The following MERTK variants were observed in gnomAD, a reference collection of about 807,000 sequenced individuals.
The protein encoded by MERTK is MER proto-oncogene, tyrosine kinase.
MERTK carries 69 observed loss-of-function variants against 99.3 expected under a neutral mutation model. That is an observed-to-expected ratio of 0.70 (90% CI 0.57 to 0.85). The LOEUF (loss-of-function observed/expected upper bound fraction) is 0.85, where lower values mean the gene tolerates loss of function less well. MERTK is among the 40% of genes least tolerant of loss of function. The probability of loss-of-function intolerance (pLI) is 0.00; values close to 1 mark genes in which losing one functional copy is unlikely to be tolerated. For synonymous variants in MERTK, 426 were observed against 467.6 expected, an observed-to-expected ratio of 0.91 and a Z score of 1.15; for missense variants, 1,125 against 1,249.4, an observed-to-expected ratio of 0.90 and a Z score of 1.50.
At chr2:111,985,311 G>A (rs1676453690) in intron 8 of MERTK, among the ~76,000 whole-genome samples, 1 of 152,152 alleles carries the variant, frequency 6.6e-6, no homozygotes, top group South Asian at 2.1e-4. Context: ...GTGTGATTAG[G>A]TGGGCAGCTT....
intron 8 of MERTK, 85 bp from the exon 9 acceptor site, chr2:111,994,166 G>T: frequency 6.6e-7 from 1 of 1,516,162 alleles, no homozygotes; most frequent in South Asian, 1.1e-5. Flanking sequence ...GGGCGGGATG[G>T]CTTCCCTCAG....
At chr2:112,022,211 C>A (rs757911717) in intron 17 of MERTK, 47 bp from the exon 18 acceptor site, 1 of 1,613,890 alleles carries the variant, frequency 6.2e-7, no homozygotes, top group South Asian at 1.1e-5. Context: ...TCCATTCAGG[C>A]TTTGTGGAAA....
intron 4 of MERTK, among the ~76,000 whole-genome samples, chr2:111,955,870 T>C (rs1685138480): frequency 6.6e-6 from 1 of 151,414 alleles, no homozygotes; most frequent in African/African-American, 2.4e-5. Flanking sequence ...GAGTGCTTTA[T>C]AAGTTAGTGG....
At chr2:111,929,099 T>C in intron 1 of MERTK, 21 bp from the exon 2 acceptor site, 1 of 1,614,122 alleles carries the variant, frequency 6.2e-7, no homozygotes. Context: ...AAGGCTAAAA[T>C]TTGGATGTTC....
chr2:111,993,843 G>A (rs1558800277), intron 8 of MERTK, among the ~76,000 whole-genome samples: 1 of 152,200 alleles, frequency 6.6e-6, no homozygotes, highest in Non-Finnish European at 1.5e-5. Flanking sequence ...CACTCGTGCT[G>A]GTTCAAGGGC....
At chr2:112,028,160 T>C (rs934583755) in intron 18 of MERTK, 191 bp from the exon 19 acceptor site, 9 of 647,880 alleles carry the variant, frequency 1.4e-5, no homozygotes, top group Admixed American at 1.1e-4. Context: ...ATCACTTTTT[T>C]GTCAAATACC....
chr2:111,980,575 C>A (rs1018619134), intron 7 of MERTK, among the ~76,000 whole-genome samples: 4 of 151,980 alleles, frequency 2.6e-5, no homozygotes, highest in Non-Finnish European at 5.9e-5. Context: ...CCCGCCACCA[C>A]GCCCGGCTAA....
intron 6 of MERTK, among the ~76,000 whole-genome samples, chr2:111,970,913 T>C (rs746345617): frequency 1.3e-5 from 2 of 151,978 alleles, no homozygotes; most frequent in African/African-American, 2.4e-5. Context: ...TTGTGAAAGA[T>C]TGATGTTAAA....
intron 6 of MERTK, 42 bp downstream of exon 6, chr2:111,968,294 C>T: frequency 6.7e-7 from 1 of 1,503,364 alleles, no homozygotes; most frequent in East Asian, 2.3e-5. Context: ...GTTTGGTGCT[C>T]TCTGTGGGTT....
intron 8 of MERTK, among the ~76,000 whole-genome samples, chr2:111,991,040 C>G (rs1223221387): frequency 6.6e-6 from 1 of 152,162 alleles, no homozygotes; most frequent in African/African-American, 2.4e-5. Context: ...TTTGGAGGAG[C>G]TGTCTACCGT....
chr2:111,936,036 T>G (rs1684759810), intron 2 of MERTK, among the ~76,000 whole-genome samples: 1 of 151,972 alleles, frequency 6.6e-6, no homozygotes, highest in South Asian at 2.1e-4. Flanking sequence ...CCTGACTTAG[T>G]CTCCTGAGTA....
At chr2:111,983,814 G>A (rs140368666) in intron 8 of MERTK, among the ~76,000 whole-genome samples, 2 of 152,330 alleles carry the variant, frequency 1.3e-5, no homozygotes, top group African/African-American at 4.8e-5. Context: ...AGCATGGCTC[G>A]GGGTTGGGGA....
chr2:111,997,393 C>T lies in MERTK; in HGVS notation c.1521C>T (p.Gly507=), dbSNP rs1676770542. The change falls in exon 10 of 19, where the codon GGC becomes GGT. Residue 507 remains glycine, a synonymous_variant. Transcript: ENST00000295408. ...CAGATCCTGTGCTCATCATCTTTGG[C>T]TGCTTTTGTGGATTTATTTTGATTG... The part of the protein sequence containing the change: ...GNADPVLIIF[G]CFCGFILIGL... The T allele has an allele frequency of 1.2e-6, 2 of 1,614,178 alleles. No homozygotes were observed. Among genetic ancestry groups the T allele is most frequent in the Admixed American group, 1.7e-5 (1 of 60,014 alleles).
intron 15 of MERTK, among the ~76,000 whole-genome samples, chr2:112,016,137 T>C (rs866780386): frequency 6.6e-6 from 1 of 152,242 alleles, no homozygotes; most frequent in South Asian, 2.1e-4. Flanking sequence ...GTTTTAACTA[T>C]TCTGGTTTCA....
At chr2:111,929,062 C>A (rs562976911) in intron 1 of MERTK, 58 bp from the exon 2 acceptor site, 2 of 1,600,096 alleles carry the variant, frequency 1.2e-6, no homozygotes, top group Admixed American at 3.3e-5. Flanking sequence ...AAGTTGGGAA[C>A]CTACTTGGGA....
intron 15 of MERTK, among the ~76,000 whole-genome samples, chr2:112,014,634 CCTT>C (rs1165055594): frequency 4.0e-5 from 6 of 151,190 alleles, no homozygotes; most frequent in African/African-American, 1.5e-4. Flanking sequence ...ACATTTATAA[CCTT>C]TTTTTTTTTT....
chr2:111,940,105 T>C (rs552720953), intron 2 of MERTK, among the ~76,000 whole-genome samples: 123 of 111,658 alleles, frequency 1.1e-3, no homozygotes, highest in African/African-American at 3.4e-3. Flanking sequence ...TCTTGGCTTC[T>C]ACTCTTTTTT....
Position 112,022,639 on chromosome 2 carries a change from C to T in MERTK, c.2486+245C>T. 12 of 734,458 alleles carry T rather than the reference C, an allele frequency of 1.6e-5. 1 individual carries two copies. In the South Asian group the frequency reaches 1.6e-4, roughly 10 times the overall value. The allele number at this position is 734,458 out of a possible 1,614,324, so 45.5% of individuals were successfully genotyped here. A position where few individuals can be genotyped will look rare whatever the true frequency, so the allele number is the denominator to read the frequency against. ...TCCAAAGGGCCTCAGTCTCGAACGA[C>T]AGGCACGGTCAAGACAAGGCAATGG... On this transcript the variant is annotated intron_variant, in intron 18 of 18. Transcript: ENST00000295408.
intron 15 of MERTK, among the ~76,000 whole-genome samples, chr2:112,018,265 G>C (rs1677259030): frequency 6.6e-6 from 1 of 152,134 alleles, no homozygotes; most frequent in Admixed American, 6.5e-5. Flanking sequence ...AATAACAGAA[G>C]TGTTCTAGGA....
Sources: allele counts gnomAD v4.1 joint callset (sites outside exome capture counted in the v4.1 genomes callset), GRCh38; gene constraint gnomAD v4.1.1; transcripts MANE v1.5; gene names NCBI Gene and HGNC (gene_info 2026-07-23, HGNC 2026-07-21).